DIAPH2: variants seen among roughly 807,000 people sequenced by gnomAD.
The protein encoded by DIAPH2 is diaphanous related formin 2.
A neutral mutation model predicts 92.7 loss-of-function variants in DIAPH2; 35 were observed. The ratio of observed to expected loss-of-function variants is 0.38; its 90% CI spans 0.29 to 0.50. The LOEUF (loss-of-function observed/expected upper bound fraction) is 0.50. Ranked by LOEUF, DIAPH2 falls within the 20% of genes least tolerant of loss-of-function variation. DIAPH2 has a pLI of 0.94. For synonymous variants in DIAPH2, 301 were observed against 280.4 expected, an observed-to-expected ratio of 1.07 and a Z score of -0.73; for missense variants, 701 against 819.5, an observed-to-expected ratio of 0.86 and a Z score of 1.77.
In DIAPH2 at chrX:97,485,056, C is replaced by T. The variant is rs183924645; in HGVS notation, c.3241+55311C>T. On this transcript the variant is annotated intron_variant, in intron 26 of 26. Coordinates refer to ENST00000324765, the MANE Select transcript of DIAPH2 (RefSeq NM_006729.5). The stretch of plus-strand genomic sequence containing the variant: ...AACTAGATATATACATTATTCACAT[C>T]TGAATGTGTAATTAAAGACCATTTA... Among the ~76,000 whole-genome samples, 32 of 111,755 alleles carry T rather than the reference C, an allele frequency of 2.9e-4. 1 individual carries two copies. The highest frequency in any genetic ancestry group is 8.8e-4 in the African/African-American group (27 of 30,808).
intron 22 of DIAPH2, among the ~76,000 whole-genome samples, chrX:97,245,030 A>C (rs1213541798): frequency 9.1e-6 from 1 of 110,107 alleles, no homozygotes; most frequent in Non-Finnish European, 1.9e-5. Context: ...CGGAGGTTGC[A>C]GTGAGCCGAG....
intron 2 of DIAPH2, among the ~76,000 whole-genome samples, chrX:96,736,243 G>T (rs2064086720): frequency 9.0e-6 from 1 of 110,576 alleles, no homozygotes; most frequent in Non-Finnish European, 1.9e-5. Context: ...AAAGTTATGG[G>T]CTCAAAATGT....
chrX:97,479,424 A>C (rs2070634711), intron 26 of DIAPH2, among the ~76,000 whole-genome samples: 1 of 112,342 alleles, frequency 8.9e-6, no homozygotes, highest in African/African-American at 3.2e-5. Flanking sequence ...GAGCCTTGGC[A>C]TCTACTCCAG....
At chrX:96,826,130 A>G (rs147292406) in intron 4 of DIAPH2, among the ~76,000 whole-genome samples, 1,258 of 111,193 alleles carry the variant, frequency 0.011, 20 homozygotes, top group African/African-American at 0.039. Flanking sequence ...AAATATGGTT[A>G]TTTTGGCCGG....
chrX:97,086,093 CT>C (rs111373453), intron 19 of DIAPH2, among the ~76,000 whole-genome samples: 3 of 110,684 alleles, frequency 2.7e-5, no homozygotes, highest in East Asian at 2.8e-4. Context: ...CTTAAAATAT[CT>C]TTTTTTTTCT....
Position 97,011,891 on chromosome X carries a change from C to CAAAAAAAAAAAAAAA in DIAPH2, c.2050+46698_2050+46712dup, listed in dbSNP as rs1169242843. On this transcript the variant is annotated intron_variant, in intron 17 of 26. Coordinates refer to ENST00000324765, the MANE Select transcript of DIAPH2 (RefSeq NM_006729.5). The stretch of plus-strand genomic sequence containing the variant: ...TGGTTGACAGAGCAAGACACTGTCT[C>CAAAAAAAAAAAAAAA]AAAAAAAAAAAAAAAAAAAAAAAAA... Among the ~76,000 whole-genome samples, 10 of 32,203 alleles carry CAAAAAAAAAAAAAAA rather than the reference C, an allele frequency of 3.1e-4. 1 individual carries two copies. Among genetic ancestry groups the CAAAAAAAAAAAAAAA allele is most frequent in the African/African-American group, 1.6e-3 (10 of 6,273 alleles). 28.0% of individuals were successfully genotyped at this position (32,203 alleles called of 115,157 possible).
At chrX:97,135,980 TA>T (rs751327167) in intron 21 of DIAPH2, among the ~76,000 whole-genome samples, 1 of 111,824 alleles carries the variant, frequency 8.9e-6, no homozygotes, top group African/African-American at 3.3e-5. Context: ...GGAACATAAG[TA>T]AATGGGTAGA....
rs185323495 is a variant in DIAPH2 at position 96,761,224 on chromosome X, G to C, written c.447+2966G>C. Among the ~76,000 whole-genome samples, 16 of 111,229 alleles carry C rather than the reference G, an allele frequency of 1.4e-4. No homozygotes were observed. The South Asian group carries it at 1.5e-3, about 11-fold the overall frequency. On this transcript the variant is annotated intron_variant, in intron 4 of 26. Coordinates refer to ENST00000324765, the MANE Select transcript of DIAPH2 (RefSeq NM_006729.5). Reference sequence around the variant, plus strand: ...CCCAACGTTAGTTTGTCAAATGCCAGTGTCATTCCTAGAATGTTAAGGGAT... The same window carrying C: ...CCCAACGTTAGTTTGTCAAATGCCACTGTCATTCCTAGAATGTTAAGGGAT...
chrX:96,912,426 A>G (rs1301883882), intron 6 of DIAPH2, 24 bp downstream of exon 6: 2 of 1,200,885 alleles, frequency 1.7e-6, no homozygotes, highest in East Asian at 3.0e-5. Flanking sequence ...CTGAAATTAA[A>G]ATCACCAAAG....
At chrX:96,785,475 CTTTTTTTT>C (rs1157552270) in intron 4 of DIAPH2, among the ~76,000 whole-genome samples, 2 of 57,179 alleles carry the variant, frequency 3.5e-5, no homozygotes, top group East Asian at 1.6e-3. Flanking sequence ...CCAAACTTGC[CTTTTTTTT>C]TTTTTTTTTT....
intron 21 of DIAPH2, among the ~76,000 whole-genome samples, chrX:97,129,509 T>C (rs2067123267): frequency 9.0e-6 from 1 of 110,919 alleles, no homozygotes; most frequent in South Asian, 3.8e-4. Context: ...TAAACCACAA[T>C]GATGGATTTC....
intron 26 of DIAPH2, among the ~76,000 whole-genome samples, chrX:97,594,512 A>G (rs1212910318): frequency 8.9e-6 from 1 of 112,626 alleles, no homozygotes; most frequent in Non-Finnish European, 1.9e-5. Context: ...TAGCTACTCT[A>G]TGGACATTTT....
chrX:97,254,647 C>T (rs1051567352), intron 23 of DIAPH2, among the ~76,000 whole-genome samples: 1 of 109,835 alleles, frequency 9.1e-6, no homozygotes, highest in Admixed American at 9.7e-5. Flanking sequence ...CCTAAGTGAC[C>T]GCCAAAGCAA....
intron 21 of DIAPH2, among the ~76,000 whole-genome samples, chrX:97,128,864 GGTA>G (rs2067111372): frequency 9.0e-6 from 1 of 111,511 alleles, no homozygotes; most frequent in Non-Finnish European, 1.9e-5. Flanking sequence ...TTTATTTTGA[GGTA>G]GTATTCCATT....
chrX:96,895,257 G>A (rs1046712343), intron 5 of DIAPH2, among the ~76,000 whole-genome samples: 2 of 111,107 alleles, frequency 1.8e-5, no homozygotes, highest in African/African-American at 3.3e-5. Flanking sequence ...CACCTGCCTC[G>A]GCCTCCCAAA....
At chrX:97,150,575 T>G (rs2067278742) in intron 22 of DIAPH2, among the ~76,000 whole-genome samples, 1 of 111,861 alleles carries the variant, frequency 8.9e-6, no homozygotes, top group African/African-American at 3.2e-5. Flanking sequence ...GTCTCTGTCC[T>G]TTTGAGCCTC....
At chrX:97,549,620 T>C (rs1382818701) in intron 26 of DIAPH2, among the ~76,000 whole-genome samples, 3 of 111,682 alleles carry the variant, frequency 2.7e-5, no homozygotes, top group Non-Finnish European at 5.6e-5. Context: ...AAATCAACAT[T>C]GATAAATTAC....
At chrX:97,383,102 C>A in intron 24 of DIAPH2, among the ~76,000 whole-genome samples, 1 of 112,274 alleles carries the variant, frequency 8.9e-6, no homozygotes, top group Middle Eastern at 4.7e-3. Flanking sequence ...TGTCTAATAC[C>A]AACTACTGGA....
At chrX:96,972,095 G>A (rs919797035) in intron 17 of DIAPH2, among the ~76,000 whole-genome samples, 1 of 111,301 alleles carries the variant, frequency 9.0e-6, no homozygotes, top group Non-Finnish European at 1.9e-5. Context: ...TTTGCTGTTC[G>A]TTGCAGCTCA....
Sources: allele counts gnomAD v4.1 joint callset (sites outside exome capture counted in the v4.1 genomes callset), GRCh38; gene constraint gnomAD v4.1.1; transcripts MANE v1.5; gene names NCBI Gene and HGNC (gene_info 2026-07-23, HGNC 2026-07-21).